Variants in CCDC24 observed in about 807,000 individuals in gnomAD.
The protein encoded by CCDC24 is coiled-coil domain containing 24, also known as coiled-coil domain-containing protein 24.
Under a neutral mutation model 31.6 loss-of-function variants are expected in CCDC24, and 34 were observed. The ratio of observed to expected loss-of-function variants is 1.08; its 90% CI spans 0.82 to 1.43. CCDC24 has a LOEUF of 1.43. Ranked by LOEUF, CCDC24 falls within the 40% of genes most tolerant of loss-of-function variation. The probability of loss-of-function intolerance (pLI) is 0.00; values close to 1 mark genes in which losing one functional copy is unlikely to be tolerated. For synonymous variants in CCDC24, 175 were observed against 157.3 expected (o/e 1.11, Z -0.84); for missense variants, 426 against 391.1 (o/e 1.09, Z -0.75).
Position 43,992,527 on chromosome 1 carries a change from C to G in CCDC24, c.307C>G (p.Gln103Glu), listed in dbSNP as rs756620709. 3.7e-6 allele frequency: 6 copies of G among 1,614,092 alleles called. No homozygotes were observed. Among genetic ancestry groups the G allele is most frequent in the African/African-American group, 1.3e-5 (1 of 74,936 alleles). Reference sequence around the variant, plus strand: ...CTTCCTGTGCACCTTCTGCAGGGACCAGGCCCAAGCTTGGGTCCAGTATAG... The same window carrying G: ...CTTCCTGTGCACCTTCTGCAGGGACGAGGCCCAAGCTTGGGTCCAGTATAG... ...RHKAICEGRD[Q>E]AQAWVQYSPR... Residue 103 changes from glutamine to glutamate, a missense_variant, in exon 4 of 9, where the codon CAG (glutamine) becomes GAG (glutamate). Coordinates refer to ENST00000372318, the MANE Select transcript of CCDC24 (RefSeq NM_152499.4).
At chr1:43,994,216 C>T in intron 5 of CCDC24, 1 of 464,304 alleles carries the variant, frequency 2.2e-6, no homozygotes, top group Non-Finnish European at 3.9e-6. Flanking sequence ...GAGGCCGAGG[C>T]AAGAGGGTCA....
At position 43,991,989 on chromosome 1, in the gene CCDC24, G is replaced by C; in HGVS notation, c.111G>C (p.Leu37=). ...GGGAGGCGGCGGTGGACCTGAGCCT[G>C]GAGCTGCGGGCGGAGGTGGGGAGAG... is the stretch of plus-strand genomic sequence containing the variant. ...ILGEAAVDLS[L]ELRAEVAMLR... The change falls in exon 2 of 9, where the codon CTG becomes CTC. Residue 37 remains leucine, a synonymous_variant. Transcript: ENST00000372318. 6.6e-7 allele frequency: 1 copy of C among 1,509,590 alleles called. No homozygotes were observed. The highest frequency in any genetic ancestry group is 8.9e-7 in the Non-Finnish European group (1 of 1,121,706). The allele number at this position is 1,509,590 out of a possible 1,614,324, so 93.5% of individuals were successfully genotyped here. A position where few individuals can be genotyped will look rare whatever the true frequency, so the allele number is the denominator to read the frequency against.
In CCDC24 at chr1:43,991,926, TC is replaced by T; in HGVS notation, c.50del (p.Pro17ArgfsTer8). On this transcript the variant is annotated frameshift_variant, in exon 2 of 9. Coordinates refer to ENST00000372318, the MANE Select transcript of CCDC24 (RefSeq NM_152499.4). LOFTEE classifies it high-confidence loss of function. ...SLWELVEEHV[P>X]LRERREVKRI... ...TGTGGGAGCTGGTGGAGGAGCACGTTCCGCTCCGGGAGCGACGCGAAGTGAA... is the reference window on the plus strand; with the variant it reads ...TGTGGGAGCTGGTGGAGGAGCACGTTCGCTCCGGGAGCGACGCGAAGTGAA... The T allele has an allele frequency of 1.3e-6, 2 of 1,546,406 alleles. No individual in the cohort carries two copies. The highest frequency in any genetic ancestry group is 2.0e-5 in the Admixed American group (1 of 51,042).
At chr1:43,991,787 T>A in intron 1 of CCDC24, 41 bp downstream of exon 1, 1 of 1,481,424 alleles carries the variant, frequency 6.8e-7, no homozygotes, top group Non-Finnish European at 9.1e-7. Flanking sequence ...AGGGGCGGGG[T>A]TTGGTGAGCG....
chr1:43,995,254 G>T lies in CCDC24; in HGVS notation c.552+92G>T. On this transcript the variant is annotated intron_variant, in intron 6 of 8. Transcript: ENST00000372318. The surrounding 1 kb of genome is among the most constrained non-coding windows in gnomAD (Gnocchi z 4.3). ...CCCATGTACCTGTGTGCATACATAG[G>T]TGCATGTACAGGCTATGTGAGTCCT... The T allele has an allele frequency of 7.9e-7, 1 of 1,273,480 alleles. No homozygotes were observed. The highest frequency in any genetic ancestry group is 2.5e-5 in the East Asian group (1 of 39,474). The allele number at this position is 1,273,480 out of a possible 1,614,324, so 78.9% of individuals were successfully genotyped here. A position where few individuals can be genotyped will look rare whatever the true frequency, so the allele number is the denominator to read the frequency against.
At position 43,995,281 on chromosome 1, in the gene CCDC24, C is replaced by A; in HGVS notation, c.552+119C>A. Reference sequence around the variant, plus strand: ...GCATGTACAGGCTATGTGAGTCCTGCATCCATTTCTCAGGGGTGCATGCTT... The same window carrying A: ...GCATGTACAGGCTATGTGAGTCCTGAATCCATTTCTCAGGGGTGCATGCTT... On this transcript the variant is annotated intron_variant, in intron 6 of 8. Coordinates refer to ENST00000372318, the MANE Select transcript of CCDC24 (RefSeq NM_152499.4). The surrounding 1 kb of genome is among the most constrained non-coding windows in gnomAD (Gnocchi z 4.3). The A allele has an allele frequency of 1.9e-6, 2 of 1,051,772 alleles. No homozygotes were observed. The highest frequency in any genetic ancestry group is 2.8e-6 in the Non-Finnish European group (2 of 713,704). The allele number at this position is 1,051,772 out of a possible 1,614,324, so 65.2% of individuals were successfully genotyped here.
chr1:43,994,252 C>G (rs1571819860), intron 5 of CCDC24: 2 of 409,060 alleles, frequency 4.9e-6, no homozygotes, highest in East Asian at 8.4e-5. Flanking sequence ...TCGAAACCAG[C>G]TTGGCCAACA....
intron 5 of CCDC24, chr1:43,994,338 T>G (rs552018089): frequency 7.5e-4 from 171 of 227,876 alleles, no homozygotes; most frequent in African/African-American, 3.7e-3. Flanking sequence ...ACCAGTTACT[T>G]GGGAGGCTGA....
At position 43,996,084 on chromosome 1, in the gene CCDC24, G is replaced by A. The variant is rs374227974; in HGVS notation, c.848G>A (p.Arg283Gln). The A allele has an allele frequency of 4.6e-5, 74 of 1,613,886 alleles. No homozygotes were observed. The highest frequency in any genetic ancestry group is 5.6e-5 in the Non-Finnish European group (66 of 1,180,014). The change falls in exon 9 of 9, where the codon CGG becomes CAG. Residue 283 changes from arginine (R) to glutamine (Q), a missense_variant. Arg to Gln is a conservative substitution (Grantham distance 43). Transcript: ENST00000372318. ...CAGTCGGCTACCCACCGCTGGGGAC[G>A]GCAGCTTCAGTGCAGCCCCAGGGAA... Reference protein sequence around the residue: ...RGQSATHRWGRQLQCSPREGP... With the variant: ...RGQSATHRWGQQLQCSPREGP...
chr1:43,995,242 G>A lies in CCDC24; in HGVS notation c.552+80G>A. 1 of 1,385,124 alleles carries A rather than the reference G, an allele frequency of 7.2e-7. No homozygotes were observed. The highest frequency in any genetic ancestry group is 1.2e-5 in the South Asian group (1 of 80,818). 85.8% of individuals were successfully genotyped at this position (1,385,124 alleles called of 1,614,324 possible). A position where few individuals can be genotyped will look rare whatever the true frequency, so the allele number is the denominator to read the frequency against. On this transcript the variant is annotated intron_variant, in intron 6 of 8. Transcript: ENST00000372318. The surrounding 1 kb of genome is among the most constrained non-coding windows in gnomAD (Gnocchi z 4.3). The stretch of plus-strand genomic sequence containing the variant: ...ACCTGGGTGAGACCCATGTACCTGT[G>A]TGCATACATAGGTGCATGTACAGGC...
In CCDC24 at chr1:43,991,758, G is replaced by T. The variant is rs2085747183; in HGVS notation, c.-33+12G>T. 7.7e-7 allele frequency: 1 copy of T among 1,305,396 alleles called. No individual in the cohort carries two copies. The highest frequency in any genetic ancestry group is 1.3e-5 in the South Asian group (1 of 79,414). 80.9% of individuals were successfully genotyped at this position (1,305,396 alleles called of 1,614,324 possible). ...GCGGCAGAGCACGGGTGGGGCTTGG[G>T]AGAGGGCGGGGCCCATAGAGGGGCG... On this transcript the variant is annotated intron_variant, in intron 1 of 8. Coordinates refer to ENST00000372318, the MANE Select transcript of CCDC24 (RefSeq NM_152499.4).
At position 43,991,705 on chromosome 1, in the gene CCDC24, G is replaced by A. The variant is rs966161192; in HGVS notation, c.-74G>A. 1.1e-5 allele frequency: 10 copies of A among 875,694 alleles called. No homozygotes were observed. The Middle Eastern group carries it at 1.1e-3, about 93-fold the overall frequency. 54.2% of individuals were successfully genotyped at this position (875,694 alleles called of 1,614,324 possible). Reference sequence around the variant, plus strand: ...AGAGCGCCAAGGACTGGCAGTTCCGGAACGGGCAATCCCAGCCGAGGGGAC... The same window carrying A: ...AGAGCGCCAAGGACTGGCAGTTCCGAAACGGGCAATCCCAGCCGAGGGGAC... On this transcript the variant is annotated 5_prime_UTR_variant, in exon 1 of 9. Transcript: ENST00000372318.
chr1:43,994,899 A>C (rs2085806005), intron 5 of CCDC24: 1 of 591,630 alleles, frequency 1.7e-6, no homozygotes, highest in African/African-American at 1.9e-5. Context: ...GAGGCAGGCG[A>C]GGGGAAGATA....
rs574040267 is a variant in CCDC24, at chr1:43,994,048, G to T, written c.497+84G>T. On this transcript the variant is annotated intron_variant, in intron 5 of 8. Transcript: ENST00000372318. ...GAGGTGCTGGGATTGTGAGACAGGA[G>T]GTGGGTAGTATACTTGGCGGGGAGG... 68 of 1,257,134 alleles carry T rather than the reference G, an allele frequency of 5.4e-5. 1 individual carries two copies. In the East Asian group the frequency reaches 1.6e-3, roughly 30 times the overall value. The allele number at this position is 1,257,134 out of a possible 1,614,324, so 77.9% of individuals were successfully genotyped here. A position where few individuals can be genotyped will look rare whatever the true frequency, so the allele number is the denominator to read the frequency against.
At chr1:43,994,442 C>CTTTCTTTCT (rs560870706) in intron 5 of CCDC24, 2 of 143,166 alleles carry the variant, frequency 1.4e-5, no homozygotes, top group African/African-American at 2.7e-5. Context: ...TTCTTTCTTT[C>CTTTCTTTCT]TTTTTTTTTT....
chr1:43,994,212 G>A lies in CCDC24; in HGVS notation c.497+248G>A, dbSNP rs140892073. Reference sequence around the variant, plus strand: ...TATAATCCCAGCAATTTGGGAGGCCGAGGCAAGAGGGTCATTTGGGCCCAG... The same window carrying A: ...TATAATCCCAGCAATTTGGGAGGCCAAGGCAAGAGGGTCATTTGGGCCCAG... On this transcript the variant is annotated intron_variant, in intron 5 of 8. Transcript: ENST00000372318. 1,139 of 471,920 alleles carry A rather than the reference G, an allele frequency of 2.4e-3. 10 individuals carry two copies. The highest frequency in any genetic ancestry group is 2.0e-3 in the Non-Finnish European group (508 of 260,474). 29.2% of individuals were successfully genotyped at this position (471,920 alleles called of 1,614,324 possible).
chr1:43,994,928 C>G (rs975829951), intron 5 of CCDC24, 180 bp from the exon 6 acceptor site: 8 of 601,868 alleles, frequency 1.3e-5, no homozygotes, highest in Non-Finnish European at 2.1e-5. Context: ...CCAGAAAGAG[C>G]CTCACAGGGG....
At position 43,995,743 on chromosome 1, in the gene CCDC24, A is replaced by T. The variant is rs1557658815; in HGVS notation, c.623-35A>T. 6.2e-7 allele frequency: 1 copy of T among 1,613,556 alleles called. No individual in the cohort carries two copies. The highest frequency in any genetic ancestry group is 1.3e-5 in the African/African-American group (1 of 75,046). ...CCCACACTTGTACACACCCTAGAAGAGCTGGGCACTGTCTCAGCCCAATCT... is the reference window on the plus strand; with the variant it reads ...CCCACACTTGTACACACCCTAGAAGTGCTGGGCACTGTCTCAGCCCAATCT... On this transcript the variant is annotated intron_variant, in intron 7 of 8. Coordinates refer to ENST00000372318, the MANE Select transcript of CCDC24 (RefSeq NM_152499.4). The surrounding 1 kb of genome is among the most constrained non-coding windows in gnomAD (Gnocchi z 4.3).
chr1:43,991,944 C>A lies in CCDC24; in HGVS notation c.66C>A (p.Arg22=). ...AGCACGTTCCGCTCCGGGAGCGACG[C>A]GAAGTGAAGAGGATTCTGGGGGAGG... ...VEEHVPLRER[R]EVKRILGEAA... The change falls in exon 2 of 9, where the codon CGC becomes CGA. Residue 22 remains arginine, a synonymous_variant. Transcript: ENST00000372318. 6.5e-7 allele frequency: 1 copy of A among 1,540,088 alleles called. No homozygotes were observed. The highest frequency in any genetic ancestry group is 2.0e-5 in the Admixed American group (1 of 50,438).
Sources: allele counts gnomAD v4.1 joint callset, GRCh38; gene constraint gnomAD v4.1.1; non-coding constraint Gnocchi (gnomAD v3.1); transcripts MANE v1.5; gene names NCBI Gene and HGNC (gene_info 2026-07-23, HGNC 2026-07-21).